The following MYOC variants were observed in gnomAD, a reference collection of about 807,000 sequenced individuals.
MYOC encodes juvenile-onset open-angle glaucoma 1.
Under a neutral mutation model 28.2 loss-of-function variants are expected in MYOC, and 29 were observed. The observed-to-expected ratio is 1.03, with a 90% CI of 0.77 to 1.40. MYOC has a LOEUF of 1.40. Among genes scored for constraint, MYOC ranks in the 40% most tolerant of loss-of-function variants. The pLI is 0.00. For synonymous variants in MYOC, 240 were observed against 245.6 expected (o/e 0.98, Z 0.21); for missense variants, 569 against 620.6 (o/e 0.92, Z 0.88).
At chr1:171,646,024 GGTTAA>G (rs1401841312) in intron 1 of MYOC, among the ~76,000 whole-genome samples, 1 of 152,254 alleles carries the variant, frequency 6.6e-6, no homozygotes, top group Non-Finnish European at 1.5e-5. Flanking sequence ...CAGGGGCGAT[GGTTAA>G]GTTATGAGCC....
In MYOC at chr1:171,643,064, G is replaced by A. The variant is rs74122892; in HGVS notation, c.605-4342C>T. Among the ~76,000 whole-genome samples the A allele has an allele frequency of 2.8e-3, 432 of 152,178 alleles. 2 individuals carry two copies. The highest frequency in any genetic ancestry group is 9.9e-3 in the African/African-American group (410 of 41,504). On this transcript the variant is annotated intron_variant, in intron 1 of 2. Transcript: ENST00000037502. ...TGGAAACTTTTATTTCATTCCCTGC[G>A]TCTCCTTCTCCCTATCTGAGGTTGT...
In MYOC at chr1:171,652,023, G is replaced by A. The variant is rs781102368; in HGVS notation, c.589C>T (p.Pro197Ser). ...GCATTCTTACCTTCTCTGGAGCCTGGTGGCACAGCCCGAGCAGTGTCTCGG... is the reference window on the plus strand; with the variant it reads ...GCATTCTTACCTTCTCTGGAGCCTGATGGCACAGCCCGAGCAGTGTCTCGG... ...QTRDTARAVP[P>S]GSREVSTWNL... Residue 197 changes from proline (P) to serine (S), a missense_variant, in exon 1 of 3, where the codon CCA becomes TCA. Pro to Ser is a moderately conservative substitution (Grantham distance 74, BLOSUM62 -1). Transcript: ENST00000037502. 9.3e-6 allele frequency: 15 copies of A among 1,614,180 alleles called. No individual in the cohort carries two copies. The highest frequency in any genetic ancestry group is 2.2e-5 in the South Asian group (2 of 91,086).
chr1:171,638,467 C>T, intron 2 of MYOC, 130 bp downstream of exon 2: 2 of 1,036,608 alleles, frequency 1.9e-6, no homozygotes, highest in Non-Finnish European at 2.9e-6. Flanking sequence ...TTCTCCTCCC[C>T]TCCCTCTGCT....
At chr1:171,645,048 T>C (rs1653168172) in intron 1 of MYOC, among the ~76,000 whole-genome samples, 1 of 152,140 alleles carries the variant, frequency 6.6e-6, no homozygotes, top group Non-Finnish European at 1.5e-5. Context: ...CCATGTATGC[T>C]GTCTGAAGAA....
chr1:171,636,217 G>C lies in MYOC; in HGVS notation c.1223C>G (p.Pro408Arg). ...KGAIVLSKLN[P>R]ENLELEQTWE... ...GGTTTGTTCGAGTTCCAGATTCTCT[G>C]GGTTCAGTTTGGAGAGGACAATGGC... Residue 408 changes from proline to arginine, a missense_variant, in exon 3 of 3, where the codon CCA (proline) becomes CGA (arginine). Pro to Arg is a moderately radical substitution (Grantham distance 103, BLOSUM62 -2). Coordinates refer to ENST00000037502, the MANE Select transcript of MYOC (RefSeq NM_000261.2). 6.2e-7 allele frequency: 1 copy of C among 1,614,026 alleles called. No homozygotes were observed. Among genetic ancestry groups the C allele is most frequent in the Non-Finnish European group, 8.5e-7 (1 of 1,180,028 alleles).
intron 2 of MYOC, among the ~76,000 whole-genome samples, chr1:171,637,597 A>C (rs1652959869): frequency 6.6e-6 from 1 of 151,808 alleles, no homozygotes; most frequent in Non-Finnish European, 1.5e-5. Flanking sequence ...GAGTTACCAG[A>C]ATCACAACAG....
intron 1 of MYOC, among the ~76,000 whole-genome samples, chr1:171,646,689 G>T (rs1286010842): frequency 6.6e-6 from 1 of 151,894 alleles, no homozygotes; most frequent in Non-Finnish European, 1.5e-5. Flanking sequence ...TAGAGACAGG[G>T]TTTTACCATA....
chr1:171,645,040 A>C (rs568266176), intron 1 of MYOC, among the ~76,000 whole-genome samples: 1 of 152,134 alleles, frequency 6.6e-6, no homozygotes, highest in East Asian at 1.9e-4. Flanking sequence ...GCACCCTCCC[A>C]TGTATGCTGT....
At chr1:171,637,139 T>G (rs1652942044) in intron 2 of MYOC, among the ~76,000 whole-genome samples, 1 of 152,156 alleles carries the variant, frequency 6.6e-6, no homozygotes, top group African/African-American at 2.4e-5. Flanking sequence ...GTTGTAAGGA[T>G]GAAAGTTGCA....
chr1:171,636,828 G>A (rs376264909), intron 2 of MYOC, 119 bp from the exon 3 acceptor site: 15 of 1,148,408 alleles, frequency 1.3e-5, no homozygotes, highest in Admixed American at 9.5e-5. Context: ...GAGACAAATC[G>A]TCTGGGTTTA....
rs376735175 is a variant in MYOC at position 171,635,990 on chromosome 1, T to G, written c.1450A>C (p.Lys484Gln). 2.5e-6 allele frequency: 4 copies of G among 1,614,158 alleles called. No homozygotes were observed. The highest frequency in any genetic ancestry group is 3.4e-6 in the Non-Finnish European group (4 of 1,180,028). ...AAGTTGTCCCAGGCAAAGAGCTTCT[T>G]CTCCAGGGGGTTGTAGTCAATCATG... ...SSMIDYNPLE[K>Q]KLFAWDNLNM... Residue 484 changes from lysine to glutamine, a missense_variant, in exon 3 of 3, where the codon AAG becomes CAG. Physicochemically the swap from Lys to Gln is moderately conservative, Grantham distance 53. Transcript: ENST00000037502.
chr1:171,646,511 T>G (rs1278188570), intron 1 of MYOC, among the ~76,000 whole-genome samples: 1 of 150,524 alleles, frequency 6.6e-6, no homozygotes, highest in East Asian at 1.9e-4. Flanking sequence ...GTTTTTTTTT[T>G]TTTGAGACAG....
At chr1:171,646,330 C>T (rs939421949) in intron 1 of MYOC, among the ~76,000 whole-genome samples, 4 of 152,016 alleles carry the variant, frequency 2.6e-5, no homozygotes, top group Admixed American at 6.5e-5. Flanking sequence ...ATGAAATGGC[C>T]CTCAATAAAG....
Position 171,647,908 on chromosome 1 carries a change from C to T in MYOC, c.604+4100G>A, listed in dbSNP as rs1026204611. ...AAGTCTACAAGAACAGGCCAGGCGC[C>T]GTGGCTCATGCCTGTAATCCCAGCA... On this transcript the variant is annotated intron_variant, in intron 1 of 2. Transcript: ENST00000037502. Among the ~76,000 whole-genome samples the T allele has an allele frequency of 3.3e-5, 5 of 151,534 alleles. No homozygotes were observed. In the East Asian group the frequency reaches 7.8e-4, roughly 24 times the overall value.
At chr1:171,639,041 A>G (rs1653002041) in intron 1 of MYOC, among the ~76,000 whole-genome samples, 4 of 149,346 alleles carry the variant, frequency 2.7e-5, no homozygotes, top group Non-Finnish European at 6.0e-5. Flanking sequence ...GATTGCTGTG[A>G]GCCGAGACTA....
chr1:171,647,737 C>T (rs549018242), intron 1 of MYOC, among the ~76,000 whole-genome samples: 1 of 152,290 alleles, frequency 6.6e-6, no homozygotes, highest in Non-Finnish European at 1.5e-5. Flanking sequence ...TTGTGTTGAA[C>T]ACCTCAGGTT....
intron 1 of MYOC, among the ~76,000 whole-genome samples, chr1:171,649,928 G>C (rs547820045): frequency 2.0e-5 from 3 of 152,244 alleles, no homozygotes; most frequent in Admixed American, 2.0e-4. Context: ...GCAAAAATCA[G>C]CCAGCGGTAC....
At chr1:171,637,433 C>A (rs1467966025) in intron 2 of MYOC, among the ~76,000 whole-genome samples, 1 of 152,126 alleles carries the variant, frequency 6.6e-6, no homozygotes, top group Non-Finnish European at 1.5e-5. Flanking sequence ...GTGGTGCAAT[C>A]ACAGTGCACT....
chr1:171,647,682 C>A (rs182907), intron 1 of MYOC, among the ~76,000 whole-genome samples: 115,884 of 152,146 alleles, frequency 0.76, 44,536 homozygotes, highest in African/African-American at 0.86. Context: ...ATGAGGGATT[C>A]TCATCCCCAT....
Sources: gnomAD v4.1 joint callset for allele counts (sites outside exome capture counted in the v4.1 genomes callset) on GRCh38, gnomAD v4.1.1 for gene constraint, MANE v1.5 for transcripts, NCBI Gene and HGNC (gene_info 2026-07-23, HGNC 2026-07-21) for gene names.